KCNH8: variants seen among roughly 807,000 people sequenced by gnomAD.
KCNH8 encodes the protein potassium voltage-gated channel subfamily H member 8.
In KCNH8, 70 loss-of-function variants were observed where a neutral mutation model predicts 103.6. That is an observed-to-expected ratio of 0.68 (90% CI 0.56 to 0.82). KCNH8 has a LOEUF of 0.82. Ranked by LOEUF, KCNH8 falls within the 40% of genes least tolerant of loss-of-function variation. The probability of loss-of-function intolerance (pLI) is 0.00; values close to 1 mark genes in which losing one functional copy is unlikely to be tolerated. For missense variants in KCNH8, 1,217 were observed against 1,329.9 expected (o/e 0.92, Z 1.32); for synonymous variants, 498 against 489.4 (o/e 1.02, Z -0.23).
chr3:19,533,685 C>G lies in KCNH8; in HGVS notation c.2910C>G (p.Pro970=). ...SVDPSSVGSS[P]QRTGAHEQNP... is the part of the protein sequence containing the mutation. ...ATCCCTCCTCTGTGGGGAGCAGCCC[C>G]CAACGAACTGGAGCTCATGAGCAAA... Residue 970 remains proline (P), a synonymous_variant, in exon 16 of 16, where the codon CCC becomes CCG. Coordinates refer to ENST00000328405, the MANE Select transcript of KCNH8 (RefSeq NM_144633.3). 1 of 1,614,006 alleles carries G rather than the reference C, an allele frequency of 6.2e-7. No homozygotes were observed. Among genetic ancestry groups the G allele is most frequent in the Non-Finnish European group, 8.5e-7 (1 of 1,179,988 alleles).
chr3:19,371,971 A>G (rs185966194), intron 5 of KCNH8, among the ~76,000 whole-genome samples: 2 of 151,398 alleles, frequency 1.3e-5, no homozygotes, highest in African/African-American at 2.4e-5. Flanking sequence ...ATTGATCTAT[A>G]TCTCTGTTTT....
At chr3:19,253,374 C>G (rs919581765) in intron 1 of KCNH8, among the ~76,000 whole-genome samples, 3 of 151,932 alleles carry the variant, frequency 2.0e-5, no homozygotes, top group Non-Finnish European at 4.4e-5. Flanking sequence ...AGCATCATCC[C>G]TTACTGCCAA....
Position 19,484,477 on chromosome 3 carries a change from G to A in KCNH8, c.2041-25886G>A, listed in dbSNP as rs552640129. On this transcript the variant is annotated intron_variant, in intron 11 of 15. Coordinates refer to ENST00000328405, the MANE Select transcript of KCNH8 (RefSeq NM_144633.3). ...CGATGATTCTCCTCATGCTTCAGCC[G>A]TGCGTAGACCAGTCAGCTTCTGGAT... Among the ~76,000 whole-genome samples, 74 of 152,304 alleles carry A rather than the reference G, an allele frequency of 4.9e-4. No individual in the cohort carries two copies. In the South Asian group the frequency reaches 0.011, roughly 23 times the overall value.
At chr3:19,268,174 G>A (rs2064539304) in intron 2 of KCNH8, among the ~76,000 whole-genome samples, 1 of 152,116 alleles carries the variant, frequency 6.6e-6, no homozygotes, top group South Asian at 2.1e-4. Flanking sequence ...TATTAAGAGA[G>A]AATGACTAAT....
chr3:19,346,719 A>G, intron 4 of KCNH8: 1 of 456,090 alleles, frequency 2.2e-6, no homozygotes, highest in South Asian at 1.6e-5. Context: ...CAAGAACACA[A>G]CATTGTGACC....
intron 1 of KCNH8, among the ~76,000 whole-genome samples, chr3:19,173,541 C>T (rs368444605): frequency 2.0e-5 from 3 of 152,100 alleles, no homozygotes; most frequent in Non-Finnish European, 2.9e-5. Context: ...ATACTCAACT[C>T]GGATGTCTTA....
At chr3:19,497,120 G>C (rs776109385) in intron 11 of KCNH8, among the ~76,000 whole-genome samples, 3 of 151,990 alleles carry the variant, frequency 2.0e-5, no homozygotes, top group Non-Finnish European at 4.4e-5. Flanking sequence ...TTCTAATTGT[G>C]TTTATTTGGC....
chr3:19,504,783 T>C (rs1189465485), intron 11 of KCNH8, among the ~76,000 whole-genome samples: 1 of 151,978 alleles, frequency 6.6e-6, no homozygotes, highest in East Asian at 1.9e-4. Context: ...CTCAAAGAGC[T>C]AAAAACAGAA....
Position 19,228,102 on chromosome 3 carries a change from T to C in KCNH8, c.77-25552T>C, listed in dbSNP as rs578108147. Among the ~76,000 whole-genome samples the C allele has an allele frequency of 3.0e-4, 45 of 152,226 alleles. 1 individual carries two copies. The South Asian group carries it at 7.2e-3, about 25-fold the overall frequency. On this transcript the variant is annotated intron_variant, in intron 1 of 15. Transcript: ENST00000328405. ...AATTGGAATCCAAACAGTATGACTC[T>C]AGGGCAGTACCCTGTGCATACCCTG...
At chr3:19,192,628 A>C (rs2063564099) in intron 1 of KCNH8, among the ~76,000 whole-genome samples, 1 of 151,642 alleles carries the variant, frequency 6.6e-6, no homozygotes, top group Admixed American at 6.6e-5. Flanking sequence ...GGAAACGAGG[A>C]GATTTGCTCA....
rs1304787696 is a variant in KCNH8, at chr3:19,324,945, G to A, written c.443-17642G>A. On this transcript the variant is annotated intron_variant, in intron 3 of 15. Transcript: ENST00000328405. ...CTACCTGATTTCAAACTGTACTATG[G>A]GGGTACAGTAACCAGAAGAGCATGG... Among the ~76,000 whole-genome samples, 3 of 152,062 alleles carry A rather than the reference G, an allele frequency of 2.0e-5. No homozygotes were observed. The South Asian group carries it at 6.2e-4, about 32-fold the overall frequency.
chr3:19,474,303 G>A (rs115127813), intron 11 of KCNH8, among the ~76,000 whole-genome samples: 30 of 152,238 alleles, frequency 2.0e-4, no homozygotes, highest in African/African-American at 7.2e-4. Flanking sequence ...GACATATGGT[G>A]GAGGCAGTCT....
chr3:19,482,176 A>T, intron 11 of KCNH8, among the ~76,000 whole-genome samples: 1 of 152,168 alleles, frequency 6.6e-6, no homozygotes, highest in Middle Eastern at 3.2e-3. Context: ...CAGGACAGGG[A>T]TTTCCACAGT....
intron 1 of KCNH8, among the ~76,000 whole-genome samples, chr3:19,189,871 C>G (rs993965998): frequency 6.6e-6 from 1 of 151,870 alleles, no homozygotes; most frequent in African/African-American, 2.4e-5. Context: ...GCTATAAATA[C>G]AAAATTAAAA....
intron 11 of KCNH8, among the ~76,000 whole-genome samples, chr3:19,509,919 A>G (rs1223680700): frequency 6.6e-6 from 1 of 152,182 alleles, no homozygotes; most frequent in Non-Finnish European, 1.5e-5. Flanking sequence ...ATAGATTTCT[A>G]TTTCCACAGA....
chr3:19,364,904 C>T (rs762700753), intron 5 of KCNH8, among the ~76,000 whole-genome samples: 7 of 152,112 alleles, frequency 4.6e-5, no homozygotes, highest in Non-Finnish European at 7.4e-5. Context: ...AACTATTGAA[C>T]GGATACCCAG....
intron 11 of KCNH8, among the ~76,000 whole-genome samples, chr3:19,499,131 T>C (rs2068516607): frequency 6.6e-6 from 1 of 152,044 alleles, no homozygotes; most frequent in Non-Finnish European, 1.5e-5. Flanking sequence ...GCTCGAGAAC[T>C]ACGTGAGGAA....
At chr3:19,164,775 T>C (rs1424415344) in intron 1 of KCNH8, among the ~76,000 whole-genome samples, 2 of 152,208 alleles carry the variant, frequency 1.3e-5, no homozygotes, top group African/African-American at 2.4e-5. Flanking sequence ...ATAAACAGTA[T>C]TTAGTAGGTT....
At chr3:19,356,403 A>G (rs574002417) in intron 5 of KCNH8, among the ~76,000 whole-genome samples, 1 of 152,114 alleles carries the variant, frequency 6.6e-6, no homozygotes, top group Non-Finnish European at 1.5e-5. Flanking sequence ...ATTTACCATA[A>G]AGAAAGTGTC....
Sources: allele counts gnomAD v4.1 joint callset (sites outside exome capture counted in the v4.1 genomes callset), GRCh38; gene constraint gnomAD v4.1.1; transcripts MANE v1.5; gene names NCBI Gene and HGNC (gene_info 2026-07-23, HGNC 2026-07-21).